Variants in ZBTB7C observed in about 807,000 individuals in gnomAD.
ZBTB7C encodes the protein zinc finger and BTB domain-containing protein 7C.
A neutral mutation model predicts 25.7 loss-of-function variants in ZBTB7C; 8 were observed. The ratio of observed to expected loss-of-function variants is 0.31; its 90% CI spans 0.18 to 0.56. The LOEUF (loss-of-function observed/expected upper bound fraction) is 0.56. Ranked by LOEUF, ZBTB7C falls within the 20% of genes least tolerant of loss-of-function variation. The pLI is 0.91. For synonymous variants in ZBTB7C, 394 were observed against 369.0 expected, an observed-to-expected ratio of 1.07 and a Z score of -0.78; for missense variants, 824 against 855.2, an observed-to-expected ratio of 0.96 and a Z score of 0.46.
intron 2 of ZBTB7C, among the ~76,000 whole-genome samples, chr18:48,200,310 T>C (rs1195767959): frequency 6.6e-6 from 1 of 152,024 alleles, no homozygotes; most frequent in African/African-American, 2.4e-5. Flanking sequence ...CCGAGACATA[T>C]TTAGTGACCC....
intron 2 of ZBTB7C, among the ~76,000 whole-genome samples, chr18:48,309,926 G>A (rs1456417685): frequency 2.6e-5 from 4 of 152,128 alleles, no homozygotes; most frequent in Admixed American, 6.5e-5. Context: ...GGCACATAGT[G>A]AGCCCTCAAA....
chr18:48,116,960 C>A (rs1015752050), intron 3 of ZBTB7C, among the ~76,000 whole-genome samples: 7 of 152,080 alleles, frequency 4.6e-5, no homozygotes, highest in Non-Finnish European at 7.4e-5. Flanking sequence ...TCCTAGCTCC[C>A]ACGGCACTTA....
intron 3 of ZBTB7C, among the ~76,000 whole-genome samples, chr18:48,152,364 T>C (rs1391256680): frequency 6.6e-6 from 1 of 152,204 alleles, no homozygotes; most frequent in African/African-American, 2.4e-5. Flanking sequence ...GGTTGTTGAC[T>C]AGAACTATAA....
rs112278394 is a variant in ZBTB7C, at chr18:48,156,532, G to C, written c.-17+29402C>G. 2.2e-3 allele frequency among the ~76,000 whole-genome samples: 339 copies of C among 152,260 alleles called. 1 individual carries two copies. The highest frequency in any genetic ancestry group is 7.4e-3 in the African/African-American group (307 of 41,552). Reference sequence around the variant, plus strand: ...ACAAAACTGATCATTTCATTTTCTTGGCTGTGTCCTTGCCATGTATAAAAT... The same window carrying C: ...ACAAAACTGATCATTTCATTTTCTTCGCTGTGTCCTTGCCATGTATAAAAT... On this transcript the variant is annotated intron_variant, in intron 3 of 4. Coordinates refer to ENST00000590800, the MANE Select transcript of ZBTB7C (RefSeq NM_001318841.2).
intron 2 of ZBTB7C, among the ~76,000 whole-genome samples, chr18:48,243,290 A>T (rs907942246): frequency 2.8e-5 from 4 of 144,970 alleles, no homozygotes; most frequent in African/African-American, 7.5e-5. Context: ...AAAAAAAAAA[A>T]GCTCCTAGCT....
At chr18:48,386,498 G>A (rs925021333) in intron 1 of ZBTB7C, among the ~76,000 whole-genome samples, 3 of 152,222 alleles carry the variant, frequency 2.0e-5, no homozygotes, top group African/African-American at 7.2e-5. Context: ...CATCTAAGCT[G>A]AAGAGACTGG....
At chr18:48,334,956 C>T (rs927467245) in intron 2 of ZBTB7C, among the ~76,000 whole-genome samples, 34 of 152,154 alleles carry the variant, frequency 2.2e-4, no homozygotes, top group African/African-American at 8.0e-4. Context: ...TCGGTGCTGT[C>T]GGCCCCCTAG....
At chr18:48,298,694 C>T (rs571891921) in intron 2 of ZBTB7C, among the ~76,000 whole-genome samples, 4 of 152,346 alleles carry the variant, frequency 2.6e-5, no homozygotes, top group Admixed American at 1.3e-4. Flanking sequence ...GCCCAGCAGG[C>T]TGACCCACCG....
intron 3 of ZBTB7C, among the ~76,000 whole-genome samples, chr18:48,141,092 G>A (rs368873430): frequency 1.9e-4 from 28 of 150,046 alleles, no homozygotes; most frequent in East Asian, 7.9e-4. Flanking sequence ...CCCTTCTCTC[G>A]CCAAACTCCC....
chr18:48,098,335 C>T (rs1270256726), intron 3 of ZBTB7C, among the ~76,000 whole-genome samples: 1 of 152,130 alleles, frequency 6.6e-6, no homozygotes, highest in Non-Finnish European at 1.5e-5. Flanking sequence ...CACATTTTAC[C>T]CGGCTGACTC....
intron 1 of ZBTB7C, among the ~76,000 whole-genome samples, chr18:48,392,934 TCCCTAGACCTCTTA>T: frequency 6.6e-6 from 1 of 152,230 alleles, no homozygotes; most frequent in South Asian, 2.1e-4. Context: ...CCAGTGAGTG[TCCCTAGACCTCTTA>T]CTTCAGCTCC....
At chr18:48,093,304 C>A (rs2038490096) in intron 3 of ZBTB7C, among the ~76,000 whole-genome samples, 1 of 152,206 alleles carries the variant, frequency 6.6e-6, no homozygotes, top group Non-Finnish European at 1.5e-5. Context: ...TAGCCCTCCC[C>A]CTGGCCAAGC....
intron 2 of ZBTB7C, among the ~76,000 whole-genome samples, chr18:48,210,885 T>C (rs531705178): frequency 6.6e-6 from 1 of 152,254 alleles, no homozygotes; most frequent in East Asian, 1.9e-4. Context: ...TGACTCAGAA[T>C]AGCCAACTCA....
chr18:48,213,717 T>C (rs140345673), intron 2 of ZBTB7C, among the ~76,000 whole-genome samples: 1 of 152,220 alleles, frequency 6.6e-6, no homozygotes, highest in African/African-American at 2.4e-5. Flanking sequence ...GTACTGGTTC[T>C]GACTGTTCTG....
chr18:48,217,293 C>T (rs1599122236), intron 2 of ZBTB7C, among the ~76,000 whole-genome samples: 1 of 152,104 alleles, frequency 6.6e-6, no homozygotes, highest in Non-Finnish European at 1.5e-5. Context: ...TCTCTGCCTT[C>T]AAGCCCTCCT....
At chr18:48,072,576 C>T (rs896051849) in intron 3 of ZBTB7C, 1 of 152,198 alleles carries the variant, frequency 6.6e-6, no homozygotes, top group Admixed American at 6.5e-5. Context: ...CACAGTGTCT[C>T]CCCGGGGCGC....
chr18:48,066,593 G>A (rs1258741630), intron 3 of ZBTB7C, among the ~76,000 whole-genome samples: 1 of 152,090 alleles, frequency 6.6e-6, no homozygotes, highest in Non-Finnish European at 1.5e-5. Context: ...GCCACTGGGA[G>A]GCCTCCCAAC....
chr18:48,359,010 G>A (rs1338823912), intron 1 of ZBTB7C, among the ~76,000 whole-genome samples: 2 of 152,272 alleles, frequency 1.3e-5, no homozygotes, highest in Non-Finnish European at 2.9e-5. Context: ...AATGCTTCCT[G>A]CTGTCCTGTG....
intron 3 of ZBTB7C, among the ~76,000 whole-genome samples, chr18:48,152,711 G>C (rs1568260787): frequency 6.6e-6 from 1 of 152,240 alleles, no homozygotes; most frequent in East Asian, 1.9e-4. Flanking sequence ...AAGTCAGTTA[G>C]TGGGAAAACG....
Sources: allele counts gnomAD v4.1 joint callset (sites outside exome capture counted in the v4.1 genomes callset), GRCh38; gene constraint gnomAD v4.1.1; transcripts MANE v1.5; gene names NCBI Gene and HGNC (gene_info 2026-07-23, HGNC 2026-07-21).